The following GLRA3 variants were observed in gnomAD, a reference collection of about 807,000 sequenced individuals.
The protein encoded by GLRA3 is glycine receptor subunit alpha-3.
GLRA3 carries 44 observed loss-of-function variants against 60.4 expected under a neutral mutation model. The observed-to-expected ratio is 0.73, with a 90% CI of 0.57 to 0.94. The LOEUF (loss-of-function observed/expected upper bound fraction) is 0.94. Among genes scored for constraint, GLRA3 ranks in the 40% least tolerant of loss-of-function variants. The pLI is 0.00. For missense variants in GLRA3, 508 were observed against 564.6 expected (o/e 0.90, Z 1.02); for synonymous variants, 223 against 192.9 (o/e 1.16, Z -1.29).
chr4:174,818,591 A>T (rs1270230864), intron 1 of GLRA3, among the ~76,000 whole-genome samples: 1 of 152,200 alleles, frequency 6.6e-6, no homozygotes. Flanking sequence ...GCAGGAAGAG[A>T]TACCCTAAAT....
At chr4:174,776,641 T>A (rs1326763872) in intron 2 of GLRA3, among the ~76,000 whole-genome samples, 1 of 152,092 alleles carries the variant, frequency 6.6e-6, no homozygotes, top group Non-Finnish European at 1.5e-5. Flanking sequence ...ATAACCAATT[T>A]TTTTGGAGTG....
intron 5 of GLRA3, among the ~76,000 whole-genome samples, chr4:174,693,189 T>C (rs908865655): frequency 3.3e-5 from 5 of 152,222 alleles, no homozygotes; most frequent in African/African-American, 1.2e-4. Context: ...ATTTTTGTTT[T>C]TGTTGCAATT....
At chr4:174,828,613 G>C in intron 1 of GLRA3, 128 bp downstream of exon 1, 1 of 654,476 alleles carries the variant, frequency 1.5e-6, no homozygotes, top group Non-Finnish European at 2.8e-6. Flanking sequence ...AAAACAATAC[G>C]ATTAAATTGA....
At chr4:174,814,474 T>A (rs900088901) in intron 1 of GLRA3, among the ~76,000 whole-genome samples, 4 of 152,164 alleles carry the variant, frequency 2.6e-5, no homozygotes, top group Non-Finnish European at 4.4e-5. Flanking sequence ...TTTCTGCCAC[T>A]CTGCCACTCT....
At chr4:174,698,403 G>A (rs1372667836) in intron 5 of GLRA3, among the ~76,000 whole-genome samples, 3 of 152,008 alleles carry the variant, frequency 2.0e-5, no homozygotes, top group Non-Finnish European at 4.4e-5. Flanking sequence ...TCCCCAGGGT[G>A]ATCTCAAACT....
At chr4:174,800,420 T>G (rs1739761291) in intron 1 of GLRA3, among the ~76,000 whole-genome samples, 1 of 152,158 alleles carries the variant, frequency 6.6e-6, no homozygotes, top group South Asian at 2.1e-4. Flanking sequence ...TGCTGATTTC[T>G]ACATCAGACA....
chr4:174,698,468 T>A (rs1735154711), intron 5 of GLRA3, among the ~76,000 whole-genome samples: 1 of 152,096 alleles, frequency 6.6e-6, no homozygotes, highest in South Asian at 2.1e-4. Flanking sequence ...GGATTACAAG[T>A]GTGAGCCACC....
intron 7 of GLRA3, 121 bp from the exon 8 acceptor site, chr4:174,659,318 G>T (rs1733343593): frequency 3.0e-6 from 2 of 672,520 alleles, no homozygotes; most frequent in Non-Finnish European, 4.7e-6. Context: ...AAAAAATAAA[G>T]AAAATGACAA....
At chr4:174,823,611 G>A (rs997454142) in intron 1 of GLRA3, among the ~76,000 whole-genome samples, 41 of 152,200 alleles carry the variant, frequency 2.7e-4, no homozygotes, top group African/African-American at 9.2e-4. Context: ...TAGGAGACAA[G>A]TTTGGTGGGC....
Position 174,781,723 on chromosome 4 carries a change from G to A in GLRA3, c.199+7093C>T, listed in dbSNP as rs868605652. 2.0e-5 allele frequency among the ~76,000 whole-genome samples: 3 copies of A among 150,464 alleles called. No individual in the cohort carries two copies. The South Asian group carries it at 6.3e-4, about 32-fold the overall frequency. On this transcript the variant is annotated intron_variant, in intron 2 of 9. Transcript: ENST00000274093. ...TAAACTAGAAAATCTAGAAGAAATG[G>A]ATAAATTCCTCGACACATACACTCT...
At position 174,684,427 on chromosome 4, in the gene GLRA3, T is replaced by C. The variant is rs566310703; in HGVS notation, c.575-1488A>G. Among the ~76,000 whole-genome samples the C allele has an allele frequency of 3.3e-5, 5 of 152,290 alleles. No individual in the cohort carries two copies. The South Asian group carries it at 8.3e-4, about 25-fold the overall frequency. ...TAATATCAGGGAATTCAGGATAGAA[T>C]TGATTAATGGATTTTGTAATAGGTC... On this transcript the variant is annotated intron_variant, in intron 5 of 9. Coordinates refer to ENST00000274093, the MANE Select transcript of GLRA3 (RefSeq NM_006529.4).
intron 6 of GLRA3, among the ~76,000 whole-genome samples, chr4:174,678,699 C>CGGG (rs1734223815): frequency 6.6e-6 from 1 of 152,112 alleles, no homozygotes; most frequent in South Asian, 2.1e-4. Flanking sequence ...ATGTGCAAAC[C>CGGG]ATACATGATC....
Position 174,677,082 on chromosome 4 carries a change from G to T in GLRA3, c.923C>A (p.Pro308Gln). Residue 308 changes from proline (P) to glutamine (Q), a missense_variant, in exon 7 of 10, where the codon CCA (proline) becomes CAA (glutamine). This residue lies in a region of GLRA3 where 176 missense variants were observed against 197.9 expected (regional missense o/e 0.89). Coordinates refer to ENST00000274093, the MANE Select transcript of GLRA3 (RefSeq NM_006529.4). ...TQSSGSRASLPKVSYVKAIDI... is the reference protein window; with the variant it reads ...TQSSGSRASLQKVSYVKAIDI... ...ATGCTCATTCAGTGCACTTACTTTT[G>T]GCAAGGAAGCTCGTGATCCTGAACT... 6.3e-7 allele frequency: 1 copy of T among 1,595,498 alleles called. No homozygotes were observed. Among genetic ancestry groups the T allele is most frequent in the South Asian group, 1.1e-5 (1 of 90,668 alleles).
At chr4:174,792,235 A>G (rs1739376962) in intron 1 of GLRA3, among the ~76,000 whole-genome samples, 1 of 152,134 alleles carries the variant, frequency 6.6e-6, no homozygotes, top group Admixed American at 6.5e-5. Context: ...ATGCAACAGA[A>G]ATTAACTTTC....
At chr4:174,747,656 CT>C (rs1737306869) in intron 3 of GLRA3, among the ~76,000 whole-genome samples, 1 of 151,998 alleles carries the variant, frequency 6.6e-6, no homozygotes, top group African/African-American at 2.4e-5. Flanking sequence ...ATTGCTGTGC[CT>C]TTGTGATTCA....
At chr4:174,693,176 T>C (rs988413983) in intron 5 of GLRA3, among the ~76,000 whole-genome samples, 2 of 152,216 alleles carry the variant, frequency 1.3e-5, no homozygotes, top group Admixed American at 6.5e-5. Flanking sequence ...ATCCCACTTG[T>C]TGATTTTTGT....
At chr4:174,669,869 G>A (rs190498034) in intron 7 of GLRA3, among the ~76,000 whole-genome samples, 3 of 152,238 alleles carry the variant, frequency 2.0e-5, no homozygotes, top group Middle Eastern at 3.4e-3. Flanking sequence ...AGCCACTCAC[G>A]TAATGGTTTT....
At chr4:174,732,046 G>A (rs554319442) in intron 3 of GLRA3, among the ~76,000 whole-genome samples, 45 of 152,218 alleles carry the variant, frequency 3.0e-4, no homozygotes, top group Middle Eastern at 3.4e-3. Flanking sequence ...ATACATCGCC[G>A]CGAAAAGTAT....
At chr4:174,799,732 C>G (rs182044648) in intron 1 of GLRA3, among the ~76,000 whole-genome samples, 12 of 152,272 alleles carry the variant, frequency 7.9e-5, no homozygotes, top group African/African-American at 2.9e-4. Context: ...TAGCAACTTA[C>G]CTCTCTAAAT....
Sources: gnomAD v4.1 joint callset for allele counts (sites outside exome capture counted in the v4.1 genomes callset) on GRCh38, gnomAD v4.1.1 for gene constraint, gnomAD v4.1.1 regional missense constraint, MANE v1.5 for transcripts, NCBI Gene and HGNC (gene_info 2026-07-23, HGNC 2026-07-21) for gene names.